The following CPSF3 variants were observed in gnomAD, a reference collection of about 807,000 sequenced individuals.
The protein encoded by CPSF3 is cleavage and polyadenylation specificity factor subunit 3.
In CPSF3, 57 loss-of-function variants were observed where a neutral mutation model predicts 84.1. The observed-to-expected ratio is 0.68, with a 90% CI of 0.55 to 0.85. CPSF3 has a LOEUF of 0.85. Ranked by LOEUF, CPSF3 falls within the 40% of genes least tolerant of loss-of-function variation. The pLI, the probability that CPSF3 is intolerant of heterozygous loss-of-function variation, is 0.00. For missense variants in CPSF3, 522 were observed against 838.8 expected, an observed-to-expected ratio of 0.62 and a Z score of 4.66; for synonymous variants, 275 against 278.1, an observed-to-expected ratio of 0.99 and a Z score of 0.11.
Position 9,456,990 on chromosome 2 carries a change from T to C in CPSF3, c.1661T>C (p.Ile554Thr), listed in dbSNP as rs1486867525. 2 of 1,603,052 alleles carry C rather than the reference T, an allele frequency of 1.2e-6. No homozygotes were observed. Among genetic ancestry groups the C allele is most frequent in the Non-Finnish European group, 1.7e-6 (2 of 1,173,834 alleles). ...CCTGCTCTGAAAGTGTTCAAAAATA[T>C]TACTGTAATACAAGAACCAGGCATG... ...EKPALKVFKN[I>T]TVIQEPGMVV... Residue 554 changes from isoleucine to threonine, a missense_variant, in exon 14 of 18, where the codon ATT becomes ACT. Around this residue, in one of 2 missense-constraint regions of CPSF3, gnomAD observed 193 missense variants for 231.6 expected, o/e 0.83. Transcript: ENST00000238112.
chr2:9,463,500 A>C (rs1681802025), intron 15 of CPSF3, among the ~76,000 whole-genome samples: 1 of 152,186 alleles, frequency 6.6e-6, no homozygotes. Context: ...GACAGGATGA[A>C]CTTTAAGATA....
rs1475519985 is a variant in CPSF3, at chr2:9,469,797, T to C, written c.1857-1546T>C. On this transcript the variant is annotated intron_variant, in intron 16 of 17. Transcript: ENST00000238112. The stretch of plus-strand genomic sequence containing the variant: ...CTTAAAAATGCAGCTATTTCCCCAG[T>C]TGTTTAAACACTTAGGATTAGATAG... Among the ~76,000 whole-genome samples the C allele has an allele frequency of 3.3e-5, 5 of 152,248 alleles. No individual in the cohort carries two copies. The East Asian group carries it at 7.7e-4, about 23-fold the overall frequency.
At chr2:9,461,662 T>C (rs963985909) in intron 15 of CPSF3, among the ~76,000 whole-genome samples, 1 of 147,632 alleles carries the variant, frequency 6.8e-6, no homozygotes, top group African/African-American at 2.5e-5. Context: ...AGAGCAATAC[T>C]CCATCTCAAA....
Position 9,430,893 on chromosome 2 carries a change from A to G in CPSF3, c.341+13A>G. The G allele has an allele frequency of 6.2e-7, 1 of 1,606,572 alleles. No individual in the cohort carries two copies. ...ATGTCAAAGTTAGGTAAATTACTTT[A>G]TTAGATTATACACGACTTTGGCTCT... is the stretch of plus-strand genomic sequence containing the variant. On this transcript the variant is annotated intron_variant, in intron 4 of 17. Coordinates refer to ENST00000238112, the MANE Select transcript of CPSF3 (RefSeq NM_016207.4).
At chr2:9,457,313 A>G (rs527608191) in intron 14 of CPSF3, among the ~76,000 whole-genome samples, 7 of 152,064 alleles carry the variant, frequency 4.6e-5, no homozygotes, top group Non-Finnish European at 1.0e-4. Context: ...GTCCTTTCCT[A>G]TAAGTCTTAC....
At chr2:9,429,653 G>A (rs1351248833) in intron 2 of CPSF3, among the ~76,000 whole-genome samples, 1 of 152,148 alleles carries the variant, frequency 6.6e-6, no homozygotes, top group Non-Finnish European at 1.5e-5. Flanking sequence ...TTAATTCGTT[G>A]TTAGAATGAC....
chr2:9,458,972 C>T (rs1351908297), intron 14 of CPSF3, among the ~76,000 whole-genome samples: 6 of 152,028 alleles, frequency 3.9e-5, no homozygotes, highest in South Asian at 2.1e-4. Flanking sequence ...ATTAGCCAGG[C>T]GTGGTGGCAC....
At chr2:9,437,004 T>A (rs1680806942) in intron 7 of CPSF3, among the ~76,000 whole-genome samples, 1 of 152,090 alleles carries the variant, frequency 6.6e-6, no homozygotes, top group Non-Finnish European at 1.5e-5. Context: ...TTCAAAGAAA[T>A]ATGTGAGTAA....
intron 14 of CPSF3, 36 bp from the exon 15 acceptor site, chr2:9,459,495 G>C: frequency 7.0e-7 from 1 of 1,425,456 alleles, no homozygotes; most frequent in South Asian, 1.1e-5. Context: ...GTCACCCTAG[G>C]TAGGTCACTT....
chr2:9,443,292 C>A (rs549438852), intron 9 of CPSF3, among the ~76,000 whole-genome samples: 1 of 152,222 alleles, frequency 6.6e-6, no homozygotes, highest in Non-Finnish European at 1.5e-5. Flanking sequence ...TGCCAGCACT[C>A]CAGATAGATG....
At chr2:9,454,972 G>C (rs1681473215) in intron 12 of CPSF3, among the ~76,000 whole-genome samples, 1 of 152,184 alleles carries the variant, frequency 6.6e-6, no homozygotes, top group Non-Finnish European at 1.5e-5. Context: ...TATGTGAAGA[G>C]AAACTGTGCA....
chr2:9,429,717 A>G (rs1333859110), intron 2 of CPSF3, among the ~76,000 whole-genome samples: 1 of 152,198 alleles, frequency 6.6e-6, no homozygotes. Context: ...TGTGACCCCT[A>G]AATGTGAGCT....
intron 15 of CPSF3, among the ~76,000 whole-genome samples, chr2:9,462,492 A>G (rs940786565): frequency 6.6e-6 from 1 of 152,008 alleles, no homozygotes; most frequent in Non-Finnish European, 1.5e-5. Context: ...CAGAGGAGGG[A>G]TCACAGAGAT....
intron 15 of CPSF3, among the ~76,000 whole-genome samples, chr2:9,466,233 C>T (rs1464879921): frequency 2.0e-5 from 3 of 146,412 alleles, no homozygotes; most frequent in Non-Finnish European, 3.0e-5. Flanking sequence ...CACACACACA[C>T]GTGCGCGCAC....
At chr2:9,449,356 ATG>A in intron 11 of CPSF3, among the ~76,000 whole-genome samples, 1 of 152,070 alleles carries the variant, frequency 6.6e-6, no homozygotes, top group Non-Finnish European at 1.5e-5. Flanking sequence ...AACCTGAGAG[ATG>A]GAGGTTGCGG....
At chr2:9,425,582 G>A (rs1680361290) in intron 1 of CPSF3, among the ~76,000 whole-genome samples, 1 of 152,128 alleles carries the variant, frequency 6.6e-6, no homozygotes. Context: ...CTGGAAGGGT[G>A]GTTGTGGGGA....
chr2:9,427,638 T>C lies in CPSF3; in HGVS notation c.51-1127T>C, dbSNP rs1405016592. On this transcript the variant is annotated intron_variant, in intron 1 of 17. Transcript: ENST00000238112. ...CCTGTTTGGAGGTAGGATCTCAGTT[T>C]GGGGATAGATCCATTGCATGTCCAT... 2.0e-5 allele frequency among the ~76,000 whole-genome samples: 3 copies of C among 152,214 alleles called. No homozygotes were observed. In the East Asian group the frequency reaches 5.8e-4, roughly 29 times the overall value.
rs1243586855 is a variant in CPSF3 at position 9,434,088 on chromosome 2, A to G, written c.609+128A>G. ...ATAAACTTACCTTTTTTAAAATATA[A>G]GAAAACTGGTGGCCGGGCACGGTGG... On this transcript the variant is annotated intron_variant, in intron 6 of 17. Transcript: ENST00000238112. 7 of 594,678 alleles carry G rather than the reference A, an allele frequency of 1.2e-5. No homozygotes were observed. The South Asian group carries it at 1.7e-4, about 14-fold the overall frequency. The allele number at this position is 594,678 out of a possible 1,614,324, so 36.8% of individuals were successfully genotyped here. A position where few individuals can be genotyped will look rare whatever the true frequency, so the allele number is the denominator to read the frequency against.
intron 2 of CPSF3, among the ~76,000 whole-genome samples, chr2:9,429,067 C>T (rs1023503886): frequency 5.4e-4 from 83 of 152,334 alleles, no homozygotes; most frequent in African/African-American, 1.9e-3. Flanking sequence ...ACTGTTACCT[C>T]TTCAAAGTCC....
Sources: allele counts gnomAD v4.1 joint callset (sites outside exome capture counted in the v4.1 genomes callset), GRCh38; gene constraint gnomAD v4.1.1; regional missense constraint gnomAD v4.1.1; transcripts MANE v1.5; gene names NCBI Gene and HGNC (gene_info 2026-07-23, HGNC 2026-07-21).